Variants in ELF2 observed in about 807,000 individuals in gnomAD.
The protein encoded by ELF2 is ETS-related transcription factor Elf-2.
ELF2 carries 11 observed loss-of-function variants against 54.8 expected under a neutral mutation model. The ratio of observed to expected loss-of-function variants is 0.20; its 90% CI spans 0.13 to 0.33. ELF2 has a LOEUF of 0.33. ELF2 is among the 10% of genes least tolerant of loss of function. The probability of loss-of-function intolerance (pLI) is 1.00; values close to 1 mark genes in which losing one functional copy is unlikely to be tolerated. For synonymous variants in ELF2, 203 were observed against 245.1 expected (o/e 0.83, Z 1.61); for missense variants, 513 against 703.0 (o/e 0.73, Z 3.06).
At chr4:139,076,249 A>T (rs1730298254) in intron 4 of ELF2, among the ~76,000 whole-genome samples, 1 of 152,226 alleles carries the variant, frequency 6.6e-6, no homozygotes, top group African/African-American at 2.4e-5. Context: ...CCAGAGAGGC[A>T]GCCAAACCTC....
chr4:139,084,507 C>A, intron 4 of ELF2: 2 of 850,780 alleles, frequency 2.4e-6, no homozygotes, highest in Non-Finnish European at 2.9e-6. Flanking sequence ...ATCCTTCCGC[C>A]CCGCGCCCAA....
At chr4:139,160,336 C>G (rs1358603315) in intron 1 of ELF2, among the ~76,000 whole-genome samples, 1 of 152,150 alleles carries the variant, frequency 6.6e-6, no homozygotes, top group African/African-American at 2.4e-5. Flanking sequence ...CTTTTCTGCA[C>G]AGCAAGTTAT....
At chr4:139,135,237 A>ACG (rs1553968023) in intron 3 of ELF2, among the ~76,000 whole-genome samples, 1 of 112,398 alleles carries the variant, frequency 8.9e-6, no homozygotes, top group Admixed American at 9.0e-5. Context: ...TACTATATAT[A>ACG]TGTGTGTGTG....
rs769500791 is a variant in ELF2 at position 139,071,987 on chromosome 4, A to G, written c.405T>C (p.Ala135=). ...CVSTPEFIHA[A]MRPDVITETV... is the part of the protein sequence containing the mutation. ...TTTCTGTAATGACATCTGGCCTCAT[A>G]GCAGCATGGATGAATTCTGGAGTTG... The change falls in exon 6 of 10, where the codon GCT becomes GCC. Residue 135 remains alanine, a synonymous_variant. Coordinates refer to ENST00000686138, the MANE Select transcript of ELF2 (RefSeq NM_001331036.3). 9 of 1,613,820 alleles carry G rather than the reference A, an allele frequency of 5.6e-6. No individual in the cohort carries two copies. The highest frequency in any genetic ancestry group is 6.8e-6 in the Non-Finnish European group (8 of 1,179,984).
intron 4 of ELF2, chr4:139,073,848 T>A (rs192798482): frequency 1.9e-3 from 323 of 167,814 alleles, no homozygotes; most frequent in African/African-American, 7.4e-3. Context: ...ACTGAGAAGT[T>A]GGCCAGGCAT....
intron 1 of ELF2, among the ~76,000 whole-genome samples, chr4:139,164,616 G>A (rs1290646242): frequency 6.6e-6 from 1 of 152,196 alleles, no homozygotes; most frequent in African/African-American, 2.4e-5. Context: ...TAGCCTAGGT[G>A]ACAGAATGAG....
chr4:139,126,976 A>G (rs1560841637), intron 3 of ELF2, among the ~76,000 whole-genome samples: 1 of 152,238 alleles, frequency 6.6e-6, no homozygotes, highest in Non-Finnish European at 1.5e-5. Context: ...TTTAAAGGGC[A>G]ACCAGTCCAA....
chr4:139,164,137 A>G (rs1031011206), intron 1 of ELF2, among the ~76,000 whole-genome samples: 1 of 147,640 alleles, frequency 6.8e-6, no homozygotes, highest in East Asian at 2.0e-4. Context: ...AGAAAGAGAA[A>G]GAAGAGAGAG....
intron 7 of ELF2, among the ~76,000 whole-genome samples, chr4:139,064,565 T>C (rs1031833546): frequency 6.6e-6 from 1 of 152,010 alleles, no homozygotes; most frequent in Non-Finnish European, 1.5e-5. Flanking sequence ...TTCAACCCAT[T>C]ATGCATCTAC....
intron 3 of ELF2, among the ~76,000 whole-genome samples, chr4:139,134,319 A>G (rs541416630): frequency 2.8e-4 from 42 of 151,668 alleles, no homozygotes; most frequent in African/African-American, 9.5e-4. Flanking sequence ...GCATTCTACC[A>G]TTTATACACT....
intron 4 of ELF2, among the ~76,000 whole-genome samples, chr4:139,118,308 G>C (rs1735961478): frequency 6.6e-6 from 1 of 152,098 alleles, no homozygotes. Flanking sequence ...ATCAGGTAAG[G>C]GGATGTTTAT....
rs1221818303 is a variant in ELF2, at chr4:139,157,347, C to T, written c.-251-17850G>A. ...ATCATTAATCTCTCTCTCTTATACA[C>T]ACACACGGAGGTAAGAAATGAACTT... is the stretch of plus-strand genomic sequence containing the variant. On this transcript the variant is annotated intron_variant, in intron 1 of 9. Coordinates refer to ENST00000686138, the MANE Select transcript of ELF2 (RefSeq NM_001331036.3). 3.3e-5 allele frequency among the ~76,000 whole-genome samples: 5 copies of T among 152,150 alleles called. No homozygotes were observed. The East Asian group carries it at 9.6e-4, about 29-fold the overall frequency.
intron 3 of ELF2, among the ~76,000 whole-genome samples, chr4:139,132,868 AT>A (rs1560848578): frequency 9.8e-4 from 101 of 103,560 alleles, no homozygotes; most frequent in South Asian, 2.0e-3. Flanking sequence ...ATATATATAT[AT>A]ATATAAAATA....
Position 139,167,832 on chromosome 4 carries a change from G to T in ELF2, c.-252+9135C>A, listed in dbSNP as rs547072351. Among the ~76,000 whole-genome samples, 8 of 152,306 alleles carry T rather than the reference G, an allele frequency of 5.3e-5. No homozygotes were observed. In the East Asian group the frequency reaches 1.4e-3, roughly 26 times the overall value. On this transcript the variant is annotated intron_variant, in intron 1 of 9. Coordinates refer to ENST00000686138, the MANE Select transcript of ELF2 (RefSeq NM_001331036.3). The stretch of plus-strand genomic sequence containing the variant: ...CAGAGACATTCAAACTGCAAACCAG[G>T]ATGAGAAGTCGATGGTTCCGCACTG...
chr4:139,173,862 A>AGGAT (rs1303883899), intron 1 of ELF2, among the ~76,000 whole-genome samples: 2 of 151,544 alleles, frequency 1.3e-5, no homozygotes, highest in Admixed American at 6.6e-5. Flanking sequence ...CCAAAGAGAG[A>AGGAT]GGATTGCTCA....
At chr4:139,170,080 T>C (rs1742123992) in intron 1 of ELF2, among the ~76,000 whole-genome samples, 1 of 152,000 alleles carries the variant, frequency 6.6e-6, no homozygotes, top group African/African-American at 2.4e-5. Context: ...AAATAGATGA[T>C]AAAATCTAAC....
chr4:139,159,584 G>A (rs182785896), intron 1 of ELF2, among the ~76,000 whole-genome samples: 1 of 152,140 alleles, frequency 6.6e-6, no homozygotes, highest in East Asian at 1.9e-4. Flanking sequence ...ATTGTCCTGA[G>A]CCATGGGATC....
intron 1 of ELF2, among the ~76,000 whole-genome samples, chr4:139,167,846 G>A (rs529926952): frequency 1.3e-5 from 2 of 152,314 alleles, no homozygotes; most frequent in East Asian, 1.9e-4. Context: ...AGAAGTCGAT[G>A]GTTCCGCACT....
Position 139,062,077 on chromosome 4 carries a change from CATTG to C in ELF2, c.614-24_614-21del, listed in dbSNP as rs759354898. 47 of 1,599,336 alleles carry C rather than the reference CATTG, an allele frequency of 2.9e-5. No homozygotes were observed. The highest frequency in any genetic ancestry group is 4.5e-5 in the South Asian group (4 of 88,546). ...TGTTTCCTTTAAAAACAATGACAGACATTGATTAAAATTCATTAACATAATTAAA... is the reference window on the plus strand; with the variant it reads ...TGTTTCCTTTAAAAACAATGACAGACATTAAAATTCATTAACATAATTAAA... On this transcript the variant is annotated intron_variant, in intron 7 of 9. Coordinates refer to ENST00000686138, the MANE Select transcript of ELF2 (RefSeq NM_001331036.3).
Sources: gnomAD v4.1 joint callset for allele counts (sites outside exome capture counted in the v4.1 genomes callset) on GRCh38, gnomAD v4.1.1 for gene constraint, MANE v1.5 for transcripts, NCBI Gene and HGNC (gene_info 2026-07-23, HGNC 2026-07-21) for gene names.